The following BNIPL variants were observed in gnomAD, a reference collection of about 807,000 sequenced individuals.
BNIPL encodes the protein BCL2 interacting protein like, also known as bcl-2/adenovirus E1B 19 kDa-interacting protein 2-like protein.
BNIPL carries 33 observed loss-of-function variants against 47.0 expected under a neutral mutation model. The observed-to-expected ratio is 0.70, with a 90% CI of 0.53 to 0.94. The LOEUF is 0.94. Among genes scored for constraint, BNIPL ranks in the 40% least tolerant of loss-of-function variants. The pLI, the probability that BNIPL is intolerant of heterozygous loss-of-function variation, is 0.00. For missense variants in BNIPL, 404 were observed against 445.2 expected (o/e 0.91, Z 0.83); for synonymous variants, 145 against 162.7 (o/e 0.89, Z 0.83).
Position 151,043,020 on chromosome 1 carries a change from T to C in BNIPL, c.498T>C (p.Cys166=). 1 of 1,611,728 alleles carries C rather than the reference T, an allele frequency of 6.2e-7. No individual in the cohort carries two copies. Among genetic ancestry groups the C allele is most frequent in the South Asian group, 1.1e-5 (1 of 90,640 alleles). The change falls in exon 5 of 10, where the codon TGT becomes TGC. Residue 166 remains cysteine, a synonymous_variant. Transcript: ENST00000368931. ...SETAERLGRG[C]MWDVTGEDGH... ...CAGCTGAAAGGCTGGGCCGAGGTTG[T>C]ATGTGGGATGTGACTGGAGAAGATG... is the stretch of plus-strand genomic sequence containing the variant.
intron 2 of BNIPL, 100 bp from the exon 3 acceptor site, chr1:151,038,404 G>A (rs1290560399): frequency 1.1e-6 from 1 of 885,478 alleles, no homozygotes. Flanking sequence ...AAGCAGCATA[G>A]GTGATAAAAT....
chr1:151,036,600 C>T lies in BNIPL; in HGVS notation c.-126C>T. The stretch of plus-strand genomic sequence containing the variant: ...TGAGGTTACCTCCCTTCCACACCTC[C>T]CTCCTTGGAGGCAAGAGCTACAACA... On this transcript the variant is annotated 5_prime_UTR_variant, in exon 1 of 10. Coordinates refer to ENST00000368931, the MANE Select transcript of BNIPL (RefSeq NM_138278.4). The T allele has an allele frequency of 2.3e-6, 2 of 872,054 alleles. No individual in the cohort carries two copies. Among genetic ancestry groups the T allele is most frequent in the South Asian group, 1.4e-5 (1 of 70,718 alleles). The allele number at this position is 872,054 out of a possible 1,614,324, so 54.0% of individuals were successfully genotyped here.
intron 4 of BNIPL, among the ~76,000 whole-genome samples, chr1:151,042,670 TG>T (rs1328368182): frequency 6.6e-6 from 1 of 151,940 alleles, no homozygotes; most frequent in East Asian, 1.9e-4. Context: ...AAAAATTAGC[TG>T]GGCATGGTGG....
intron 1 of BNIPL, 146 bp from the exon 2 acceptor site, chr1:151,037,421 A>G: frequency 2.2e-6 from 3 of 1,371,646 alleles, no homozygotes; most frequent in Non-Finnish European, 2.8e-6. Flanking sequence ...GGTGAAGGTA[A>G]GAGAAGCATC....
At chr1:151,038,436 A>G in intron 2 of BNIPL, 68 bp from the exon 3 acceptor site, 1 of 1,156,424 alleles carries the variant, frequency 8.6e-7, no homozygotes, top group Non-Finnish European at 1.3e-6. Flanking sequence ...GAGAGAACCT[A>G]TATATTGAGT....
intron 9 of BNIPL, 48 bp from the exon 10 acceptor site, chr1:151,046,603 A>C: frequency 6.6e-7 from 1 of 1,520,256 alleles, no homozygotes; most frequent in South Asian, 1.2e-5. Flanking sequence ...ATAAAACCCA[A>C]GTCCTACCCC....
intron 4 of BNIPL, among the ~76,000 whole-genome samples, chr1:151,041,542 T>C (rs866968836): frequency 2.3e-4 from 35 of 152,138 alleles, no homozygotes; most frequent in Middle Eastern, 3.4e-3. Context: ...AAAGCTGCAG[T>C]GAGCAAAGGT....
intron 1 of BNIPL, 155 bp from the exon 2 acceptor site, chr1:151,037,412 G>A (rs1675649539): frequency 2.9e-6 from 4 of 1,357,106 alleles, no homozygotes; most frequent in Admixed American, 3.1e-5. Flanking sequence ...CTAGCAAGTG[G>A]TGAAGGTAAG....
intron 7 of BNIPL, 172 bp from the exon 8 acceptor site, chr1:151,045,625 G>T: frequency 1.8e-6 from 2 of 1,087,572 alleles, no homozygotes; most frequent in Non-Finnish European, 2.5e-6. Flanking sequence ...GGCTAAATAA[G>T]ATGGGTGGAG....
At chr1:151,044,935 A>T in intron 7 of BNIPL, 1 of 1,290,202 alleles carries the variant, frequency 7.8e-7, no homozygotes, top group Non-Finnish European at 1.0e-6. Context: ...AAAGGAACTT[A>T]CGCGAGGGTA....
In BNIPL at chr1:151,043,322, C is replaced by T. The variant is rs371993114; in HGVS notation, c.617-10C>T. ...GTTGACCAAATGAATTTTCCCCTTA[C>T]ACTCTCCAGGTTACCACGGTGATGG... On this transcript the variant is annotated splice_polypyrimidine_tract_variant and intron_variant, in intron 5 of 9. Coordinates refer to ENST00000368931, the MANE Select transcript of BNIPL (RefSeq NM_138278.4). The T allele has an allele frequency of 7.6e-6, 12 of 1,585,510 alleles. No homozygotes were observed. The highest frequency in any genetic ancestry group is 1.3e-5 in the African/African-American group (1 of 74,214).
chr1:151,043,172 A>G (rs759317622), intron 5 of BNIPL, 34 bp downstream of exon 5: 2 of 1,587,728 alleles, frequency 1.3e-6, no homozygotes, highest in South Asian at 2.2e-5. Flanking sequence ...GTTAAGAGCT[A>G]TGGCTTCTTA....
At chr1:151,037,520 C>A (rs779869458) in intron 1 of BNIPL, 47 bp from the exon 2 acceptor site, 2 of 1,554,498 alleles carry the variant, frequency 1.3e-6, no homozygotes, top group African/African-American at 1.4e-5. Context: ...ATTATTCTTA[C>A]CTACTATTCA....
chr1:151,037,011 G>T (rs1675626872), intron 1 of BNIPL, among the ~76,000 whole-genome samples: 1 of 152,170 alleles, frequency 6.6e-6, no homozygotes, highest in South Asian at 2.1e-4. Context: ...GTAATATGTT[G>T]TACCTGATAA....
At position 151,047,118 on chromosome 1, in the gene BNIPL, C is replaced by G. The variant is rs1676058377; in HGVS notation, c.*431C>G. On this transcript the variant is annotated 3_prime_UTR_variant, in exon 10 of 10. Transcript: ENST00000368931. Reference sequence around the variant, plus strand: ...GAGACTACCGGCGCACGCCACCACGCCCAGCTAATTGTTTTGTATTTTTAG... The same window carrying G: ...GAGACTACCGGCGCACGCCACCACGGCCAGCTAATTGTTTTGTATTTTTAG... 2 of 155,608 alleles carry G rather than the reference C, an allele frequency of 1.3e-5. No individual in the cohort carries two copies. The highest frequency in any genetic ancestry group is 4.8e-5 in the African/African-American group (2 of 41,494). The allele number at this position is 155,608 out of a possible 1,614,324, so 9.6% of individuals were successfully genotyped here.
At chr1:151,040,847 T>A (rs999158143) in intron 4 of BNIPL, among the ~76,000 whole-genome samples, 1 of 148,458 alleles carries the variant, frequency 6.7e-6, no homozygotes, top group Non-Finnish European at 1.5e-5. Flanking sequence ...TATGGAAAGA[T>A]CATGCAGAAT....
At chr1:151,045,617 C>T in intron 7 of BNIPL, 180 bp from the exon 8 acceptor site, 1 of 950,492 alleles carries the variant, frequency 1.1e-6, no homozygotes, top group Non-Finnish European at 1.4e-6. Context: ...TCATGGAGGG[C>T]TAAATAAGAT....
rs898402774 is a variant in BNIPL, at chr1:151,047,249, C to G, written c.*562C>G. On this transcript the variant is annotated 3_prime_UTR_variant, in exon 10 of 10. Coordinates refer to ENST00000368931, the MANE Select transcript of BNIPL (RefSeq NM_138278.4). Reference sequence around the variant, plus strand: ...TGCCGAGATTACAGGTGTGAGCCACCGCGCTCGGCCAGAGCTCTGGGTTTT... The same window carrying G: ...TGCCGAGATTACAGGTGTGAGCCACGGCGCTCGGCCAGAGCTCTGGGTTTT... 2 of 152,912 alleles carry G rather than the reference C, an allele frequency of 1.3e-5. No homozygotes were observed. The highest frequency in any genetic ancestry group is 4.8e-5 in the African/African-American group (2 of 41,338). 9.5% of individuals were successfully genotyped at this position (152,912 alleles called of 1,614,324 possible).
intron 4 of BNIPL, among the ~76,000 whole-genome samples, chr1:151,041,225 G>A (rs879710867): frequency 2.0e-5 from 3 of 151,998 alleles, no homozygotes; most frequent in Admixed American, 6.6e-5. Flanking sequence ...TGCTCTAGCA[G>A]TGGTATAGAG....
Sources: gnomAD v4.1 joint callset for allele counts (sites outside exome capture counted in the v4.1 genomes callset) on GRCh38, gnomAD v4.1.1 for gene constraint, MANE v1.5 for transcripts, NCBI Gene and HGNC (gene_info 2026-07-23, HGNC 2026-07-21) for gene names.